NAALADL2: variants seen among roughly 807,000 people sequenced by gnomAD.
The protein encoded by NAALADL2 is N-acetylated alpha-linked acidic dipeptidase like 2, also known as inactive N-acetylated-alpha-linked acidic dipeptidase-like protein 2.
Under a neutral mutation model 87.2 loss-of-function variants are expected in NAALADL2, and 76 were observed. The observed-to-expected ratio is 0.87, with a 90% CI of 0.72 to 1.05. The LOEUF (loss-of-function observed/expected upper bound fraction) is 1.05, where lower values mean the gene tolerates loss of function less well. NAALADL2 is among the 50% of genes least tolerant of loss of function. The pLI, the probability that NAALADL2 is intolerant of heterozygous loss-of-function variation, is 0.00. For synonymous variants in NAALADL2, 354 were observed against 331.0 expected (o/e 1.07, Z -0.75); for missense variants, 1,089 against 945.8 (o/e 1.15, Z -1.99).
intron 3 of NAALADL2, among the ~76,000 whole-genome samples, chr3:174,740,980 A>T (rs1733705996): frequency 6.6e-6 from 1 of 151,724 alleles, no homozygotes; most frequent in East Asian, 1.9e-4. Context: ...TATTTTCCTT[A>T]AGAGGTAGAC....
At chr3:175,117,416 G>GA (rs1329858069) in intron 2 of NAALADL2, among the ~76,000 whole-genome samples, 12 of 152,096 alleles carry the variant, frequency 7.9e-5, no homozygotes, top group African/African-American at 2.2e-4. Context: ...AAATTTACCA[G>GA]AAAAAATCAA....
intron 2 of NAALADL2, among the ~76,000 whole-genome samples, chr3:174,572,007 T>C: frequency 6.6e-6 from 1 of 152,336 alleles, no homozygotes; most frequent in East Asian, 1.9e-4. Context: ...CTTTTTATGA[T>C]ACCGCAGGTA....
In NAALADL2 at chr3:174,745,882, C is replaced by T. The variant is rs554839792; in HGVS notation, c.-9+8136C>T. 3.3e-5 allele frequency among the ~76,000 whole-genome samples: 5 copies of T among 152,172 alleles called. No homozygotes were observed. The South Asian group carries it at 1.0e-3, about 32-fold the overall frequency. On this transcript the variant is annotated intron_variant, in intron 3 of 3. Transcript: ENST00000434257. ...AGGCCTTCAATAAAATTCAACCTCC[C>T]TTCATGTTAAAAACTCTCAATAAAC...
At chr3:175,032,584 CT>C (rs999033282) in intron 1 of NAALADL2, among the ~76,000 whole-genome samples, 2 of 151,702 alleles carry the variant, frequency 1.3e-5, no homozygotes, top group African/African-American at 2.4e-5. Flanking sequence ...AACAGCCAGC[CT>C]TTTTTTTATG....
intron 11 of NAALADL2, among the ~76,000 whole-genome samples, chr3:175,696,859 T>A (rs1350875951): frequency 6.6e-6 from 1 of 152,016 alleles, no homozygotes; most frequent in Admixed American, 6.6e-5. Flanking sequence ...TGGTGAGCAA[T>A]CACAAAAGGC....
chr3:174,574,708 T>G (rs1427724147), intron 2 of NAALADL2, among the ~76,000 whole-genome samples: 1 of 152,118 alleles, frequency 6.6e-6, no homozygotes, highest in Non-Finnish European at 1.5e-5. Flanking sequence ...CAGTCGATAT[T>G]CCCTATAGAA....
At chr3:175,550,009 G>T (rs1217194431) in intron 9 of NAALADL2, among the ~76,000 whole-genome samples, 2 of 152,000 alleles carry the variant, frequency 1.3e-5, no homozygotes, top group Non-Finnish European at 2.9e-5. Context: ...TTAACAAAGA[G>T]TGAACCCTGT....
intron 1 of NAALADL2, among the ~76,000 whole-genome samples, chr3:174,549,056 G>A (rs1368194033): frequency 6.6e-6 from 1 of 152,156 alleles, no homozygotes; most frequent in African/African-American, 2.4e-5. Context: ...GCCCAGTGGG[G>A]CCTCCAATGC....
At chr3:175,521,193 T>G (rs1732607638) in intron 9 of NAALADL2, among the ~76,000 whole-genome samples, 1 of 151,872 alleles carries the variant, frequency 6.6e-6, no homozygotes, top group Non-Finnish European at 1.5e-5. Context: ...GAGTATACAT[T>G]TTTCCCTTTT....
intron 2 of NAALADL2, among the ~76,000 whole-genome samples, chr3:174,728,648 GT>G (rs1001452962): frequency 2.0e-5 from 3 of 151,836 alleles, no homozygotes; most frequent in Non-Finnish European, 2.9e-5. Flanking sequence ...TGATTTATGT[GT>G]TTTTTTCCCA....
chr3:174,628,581 C>G (rs970248874), intron 2 of NAALADL2, among the ~76,000 whole-genome samples: 3 of 151,254 alleles, frequency 2.0e-5, no homozygotes, highest in African/African-American at 7.3e-5. Flanking sequence ...GTTCACATTG[C>G]TGGATTTCCA....
At chr3:175,388,434 A>T (rs367656650) in intron 5 of NAALADL2, among the ~76,000 whole-genome samples, 13 of 152,252 alleles carry the variant, frequency 8.5e-5, no homozygotes, top group African/African-American at 2.6e-4. Flanking sequence ...GTAAGTATAC[A>T]TTTCTCAATG....
In NAALADL2 at chr3:175,788,530, C is replaced by T. The variant is rs548059477; in HGVS notation, c.2190-14475C>T. 4.6e-5 allele frequency among the ~76,000 whole-genome samples: 7 copies of T among 152,104 alleles called. No individual in the cohort carries two copies. The South Asian group carries it at 6.2e-4, about 14-fold the overall frequency. ...GGTTTGTACTGTACAGGTTTGTAGC[C>T]GAGGAGCAATAACCTATACCATGAA... is the stretch of plus-strand genomic sequence containing the variant. On this transcript the variant is annotated intron_variant, in intron 13 of 13. Transcript: ENST00000454872.
intron 13 of NAALADL2, among the ~76,000 whole-genome samples, chr3:175,760,437 A>G (rs756274246): frequency 2.0e-5 from 3 of 152,192 alleles, no homozygotes; most frequent in African/African-American, 7.2e-5. Context: ...AATGCCATAA[A>G]TGAAAAAGCT....
At chr3:175,585,285 T>C (rs1367107259) in intron 10 of NAALADL2, among the ~76,000 whole-genome samples, 2 of 152,294 alleles carry the variant, frequency 1.3e-5, no homozygotes, top group African/African-American at 2.4e-5. Flanking sequence ...TGTACTCTTA[T>C]GGGAGTACCA....
intron 5 of NAALADL2, among the ~76,000 whole-genome samples, chr3:175,335,955 A>C (rs1363579934): frequency 6.6e-6 from 1 of 152,144 alleles, no homozygotes; most frequent in South Asian, 2.1e-4. Flanking sequence ...GAAACGTGTC[A>C]GGTAATTAAC....
intron 9 of NAALADL2, among the ~76,000 whole-genome samples, chr3:175,552,689 A>G (rs1447068322): frequency 1.3e-5 from 2 of 152,176 alleles, no homozygotes; most frequent in Admixed American, 1.3e-4. Context: ...ATTAAACAAT[A>G]TAATAAAATT....
intron 3 of NAALADL2, among the ~76,000 whole-genome samples, chr3:175,251,081 C>T (rs568399814): frequency 7.9e-5 from 12 of 152,232 alleles, no homozygotes; most frequent in Non-Finnish European, 1.6e-4. Flanking sequence ...TGTTTGTGAT[C>T]TATGGCACTC....
intron 1 of NAALADL2, among the ~76,000 whole-genome samples, chr3:174,992,884 T>G (rs1449390622): frequency 2.0e-5 from 3 of 152,242 alleles, no homozygotes; most frequent in African/African-American, 7.2e-5. Flanking sequence ...TAACAGTGTT[T>G]TTTTAGATGG....
Sources: gnomAD v4.1 joint callset for allele counts (sites outside exome capture counted in the v4.1 genomes callset) on GRCh38, gnomAD v4.1.1 for gene constraint, MANE v1.5 for transcripts, NCBI Gene and HGNC (gene_info 2026-07-23, HGNC 2026-07-21) for gene names.